RINT1: variants seen among roughly 807,000 people sequenced by gnomAD.
The protein encoded by RINT1 is RAD50 interactor 1, also known as RAD50-interacting protein 1.
In RINT1, 75 loss-of-function variants were observed where a neutral mutation model predicts 97.7. That is an observed-to-expected ratio of 0.77 (90% CI 0.64 to 0.93). The LOEUF is 0.93. Among genes scored for constraint, RINT1 ranks in the 40% least tolerant of loss-of-function variants. The probability of loss-of-function intolerance (pLI) is 0.00; values close to 1 mark genes in which losing one functional copy is unlikely to be tolerated. For synonymous variants in RINT1, 303 were observed against 326.3 expected (o/e 0.93, Z 0.77); for missense variants, 892 against 925.2 (o/e 0.96, Z 0.47).
intron 11 of RINT1, among the ~76,000 whole-genome samples, chr7:105,561,469 G>A (rs1192360191): frequency 5.7e-4 from 87 of 152,124 alleles, no homozygotes; most frequent in Non-Finnish European, 1.5e-5. Context: ...GGAGATTGCA[G>A]TAAGCCGAGA....
intron 11 of RINT1, among the ~76,000 whole-genome samples, chr7:105,563,367 A>G (rs1267779229): frequency 1.3e-5 from 2 of 152,142 alleles, no homozygotes; most frequent in African/African-American, 2.4e-5. Context: ...ATTATACACT[A>G]TTATTAGTTT....
At chr7:105,556,675 C>T (rs1791195404) in intron 11 of RINT1, among the ~76,000 whole-genome samples, 1 of 143,514 alleles carries the variant, frequency 7.0e-6, no homozygotes, top group African/African-American at 2.6e-5. Flanking sequence ...CTTGCCTTCT[C>T]CATGCAGATT....
intron 10 of RINT1, among the ~76,000 whole-genome samples, chr7:105,552,002 AG>A (rs1399721348): frequency 6.6e-6 from 1 of 152,128 alleles, no homozygotes; most frequent in Non-Finnish European, 1.5e-5. Context: ...TGGGAGGTAG[AG>A]GTTGCAGTGA....
chr7:105,550,585 C>A, intron 9 of RINT1, 99 bp downstream of exon 9: 2 of 848,996 alleles, frequency 2.4e-6, no homozygotes, highest in Non-Finnish European at 3.8e-6. Flanking sequence ...GGAACTAGAG[C>A]CATTTGAAAT....
At chr7:105,548,772 C>A in intron 7 of RINT1, 62 bp downstream of exon 7, 2 of 1,456,784 alleles carry the variant, frequency 1.4e-6, no homozygotes, top group Non-Finnish European at 9.3e-7. Context: ...GTTTCTATAC[C>A]TTTGCTGGTT....
rs754847472 is a variant in RINT1 at position 105,548,535 on chromosome 7, C to G, written c.840-19C>G. ...TTAGGTATGCTTTTGATTCTTTTTC[C>G]TTGACTTGATTATGTCAGAGATGAA... On this transcript the variant is annotated intron_variant, in intron 6 of 14. Transcript: ENST00000257700. The G allele has an allele frequency of 8.7e-6, 14 of 1,613,334 alleles. No homozygotes were observed. Among genetic ancestry groups the G allele is most frequent in the Non-Finnish European group, 1.2e-5 (14 of 1,179,512 alleles).
intron 11 of RINT1, among the ~76,000 whole-genome samples, chr7:105,555,981 T>TAACA (rs968605688): frequency 7.2e-5 from 11 of 151,792 alleles, no homozygotes; most frequent in Non-Finnish European, 1.2e-4. Flanking sequence ...AATAAGAAAC[T>TAACA]AACATTTCAT....
intron 11 of RINT1, among the ~76,000 whole-genome samples, chr7:105,561,460 G>A (rs556370471): frequency 6.6e-6 from 1 of 152,228 alleles, no homozygotes; most frequent in African/African-American, 2.4e-5. Context: ...CCAGGGAGGG[G>A]AGATTGCAGT....
chr7:105,555,867 G>A (rs1458651348), intron 11 of RINT1, among the ~76,000 whole-genome samples: 1 of 152,084 alleles, frequency 6.6e-6, no homozygotes, highest in East Asian at 1.9e-4. Flanking sequence ...GCATATGCCT[G>A]TAGTCCGAGC....
chr7:105,545,262 G>C (rs1036617789), intron 4 of RINT1, among the ~76,000 whole-genome samples: 1 of 151,132 alleles, frequency 6.6e-6, no homozygotes, highest in Non-Finnish European at 1.5e-5. Flanking sequence ...ACCAGTCTGG[G>C]CAACATGGCA....
intron 11 of RINT1, among the ~76,000 whole-genome samples, chr7:105,559,540 CAAAAAAAAAAAAAAAAA>C (rs60718751): frequency 6.8e-5 from 4 of 59,018 alleles, no homozygotes; most frequent in African/African-American, 2.5e-4. Flanking sequence ...GACTCTGTCT[CAAAAAAAAAAAAAAAAA>C]AAAAAAAAAA....
At chr7:105,544,779 G>A (rs1427535056) in intron 4 of RINT1, among the ~76,000 whole-genome samples, 1 of 152,140 alleles carries the variant, frequency 6.6e-6, no homozygotes, top group Non-Finnish European at 1.5e-5. Context: ...AGGGAAATAT[G>A]CCGAGGGATT....
At chr7:105,544,990 A>G (rs1485237169) in intron 4 of RINT1, among the ~76,000 whole-genome samples, 1 of 151,190 alleles carries the variant, frequency 6.6e-6, no homozygotes, top group Non-Finnish European at 1.5e-5. Flanking sequence ...CTTTTTTTCA[A>G]GTAGTTTCTT....
At chr7:105,559,915 A>ACTGT (rs1418570722) in intron 11 of RINT1, among the ~76,000 whole-genome samples, 1 of 152,214 alleles carries the variant, frequency 6.6e-6, no homozygotes, top group Non-Finnish European at 1.5e-5. Context: ...TCTACTGATA[A>ACTGT]CTGTCTGCCA....
chr7:105,542,446 A>C lies in RINT1; in HGVS notation c.312A>C (p.Arg104=). 6.2e-7 allele frequency: 1 copy of C among 1,612,178 alleles called. No individual in the cohort carries two copies. The highest frequency in any genetic ancestry group is 8.5e-7 in the Non-Finnish European group (1 of 1,178,412). ...CATCAGAAATTCCTAAAAGAATTCGAAGTGCCTTAAAAAATGCAGAAGAAT... is the reference window on the plus strand; with the variant it reads ...CATCAGAAATTCCTAAAAGAATTCGCAGTGCCTTAAAAAATGCAGAAGAAT... ...TISSEIPKRI[R]SALKNAEESK... is the part of the protein sequence containing the mutation. Residue 104 remains arginine (R), a synonymous_variant, in exon 4 of 15, where the codon CGA becomes CGC. Coordinates refer to ENST00000257700, the MANE Select transcript of RINT1 (RefSeq NM_021930.6).
intron 10 of RINT1, 61 bp from the exon 11 acceptor site, chr7:105,554,967 C>G (rs1743336176): frequency 7.3e-7 from 1 of 1,365,794 alleles, no homozygotes; most frequent in South Asian, 1.3e-5. Flanking sequence ...GTAGGGAAAA[C>G]TTATAACTAT....
chr7:105,547,569 A>C (rs1203036900), intron 6 of RINT1, among the ~76,000 whole-genome samples: 1 of 152,130 alleles, frequency 6.6e-6, no homozygotes, highest in Non-Finnish European at 1.5e-5. Context: ...AGTTCATAGC[A>C]CAAAAAGGTC....
chr7:105,550,040 T>G lies in RINT1; in HGVS notation c.997-15T>G. ...GAATGACTTAAGAATTCAAACTATT[T>G]TCCTCCTTCCTTAGCCAGAATGGTA... On this transcript the variant is annotated splice_polypyrimidine_tract_variant and intron_variant, in intron 7 of 14. Transcript: ENST00000257700. 2 of 1,514,628 alleles carry G rather than the reference T, an allele frequency of 1.3e-6. No individual in the cohort carries two copies. Among genetic ancestry groups the G allele is most frequent in the Non-Finnish European group, 1.8e-6 (2 of 1,099,664 alleles). The allele number at this position is 1,514,628 out of a possible 1,614,324, so 93.8% of individuals were successfully genotyped here. A position where few individuals can be genotyped will look rare whatever the true frequency, so the allele number is the denominator to read the frequency against.
At chr7:105,532,790 C>T (rs958157293) in intron 1 of RINT1, 34 bp from the exon 2 acceptor site, 6 of 1,612,470 alleles carry the variant, frequency 3.7e-6, no homozygotes, top group Middle Eastern at 1.6e-4. Flanking sequence ...CGACTTTAAT[C>T]TTAATGTGCT....
Sources: gnomAD v4.1 joint callset for allele counts (sites outside exome capture counted in the v4.1 genomes callset) on GRCh38, gnomAD v4.1.1 for gene constraint, MANE v1.5 for transcripts, NCBI Gene and HGNC (gene_info 2026-07-23, HGNC 2026-07-21) for gene names.